Variants in IPP observed in about 807,000 individuals in gnomAD.
The protein encoded by IPP is actin-binding protein IPP.
IPP carries 41 observed loss-of-function variants against 64.1 expected under a neutral mutation model. The observed-to-expected ratio is 0.64, with a 90% confidence interval of 0.50 to 0.83. The LOEUF (loss-of-function observed/expected upper bound fraction) is 0.83, where lower values mean the gene tolerates loss of function less well. IPP is among the 40% of genes least tolerant of loss of function. The pLI is 0.00. For synonymous variants in IPP, 214 were observed against 235.2 expected, an observed-to-expected ratio of 0.91 and a Z score of 0.83; for missense variants, 649 against 703.0, an observed-to-expected ratio of 0.92 and a Z score of 0.87.
intron 3 of IPP, among the ~76,000 whole-genome samples, chr1:45,733,577 G>A (rs1053200429): frequency 1.7e-4 from 25 of 151,294 alleles, no homozygotes; most frequent in Admixed American, 4.0e-4. Flanking sequence ...GGTGGCTCAC[G>A]CCTGAGCACT....
chr1:45,699,598 C>T lies in IPP; in HGVS notation c.*368G>A, dbSNP rs1645420919. On this transcript the variant is annotated 3_prime_UTR_variant, in exon 9 of 9. Coordinates refer to ENST00000396478, the MANE Select transcript of IPP (RefSeq NM_005897.3). ...TAAACCTGGCAAATCTGTGTGAGCT[C>T]TTTATTAATTGGGATATATTCCATA... 2.0e-6 allele frequency: 2 copies of T among 995,358 alleles called. No individual in the cohort carries two copies. Among genetic ancestry groups the T allele is most frequent in the Non-Finnish European group, 1.2e-6 (1 of 834,684 alleles). 61.7% of individuals were successfully genotyped at this position (995,358 alleles called of 1,614,324 possible).
chr1:45,735,971 C>T (rs1179495300), intron 3 of IPP, among the ~76,000 whole-genome samples: 3 of 151,642 alleles, frequency 2.0e-5, no homozygotes, highest in Admixed American at 1.3e-4. Flanking sequence ...ATTATCCGGG[C>T]GTGGTGGCAC....
chr1:45,741,422 T>A (rs530901038), intron 2 of IPP, 90 bp from the exon 3 acceptor site: 1 of 884,092 alleles, frequency 1.1e-6, no homozygotes, highest in Non-Finnish European at 1.7e-6. Context: ...ATTTCACTGA[T>A]AGTTTGATGC....
intron 5 of IPP, among the ~76,000 whole-genome samples, chr1:45,727,347 G>A (rs945820071): frequency 6.6e-6 from 1 of 152,074 alleles, no homozygotes; most frequent in Non-Finnish European, 1.5e-5. Context: ...ACTGCACCCC[G>A]CCACAACTTC....
chr1:45,717,221 G>GAAAAAAAAAAAAAAAAA (rs56338317), intron 6 of IPP, among the ~76,000 whole-genome samples: 1 of 95,260 alleles, frequency 1.0e-5, no homozygotes, highest in Non-Finnish European at 2.0e-5. Flanking sequence ...GCTCTTTTGA[G>GAAAAAAAAAAAAAAAAA]AAAAAAAAAA....
chr1:45,700,102 C>A lies in IPP; in HGVS notation c.1619G>T (p.Gly540Val). ...AVNGLLYVSG[G>V]RSSSHDFLAP... ...CAAAAAATCATGGCTGGAAGATCGA[C>A]CTCCAGAAACATACAGAAGACCATT... Residue 540 changes from glycine to valine, a missense_variant, in exon 9 of 9, where the codon GGT (glycine) becomes GTT (valine). Coordinates refer to ENST00000396478, the MANE Select transcript of IPP (RefSeq NM_005897.3). 6.2e-7 allele frequency: 1 copy of A among 1,614,076 alleles called. No individual in the cohort carries two copies. The highest frequency in any genetic ancestry group is 1.3e-5 in the African/African-American group (1 of 75,026).
chr1:45,724,062 G>T (rs535274858), intron 5 of IPP, among the ~76,000 whole-genome samples: 1 of 148,444 alleles, frequency 6.7e-6, no homozygotes, highest in Non-Finnish European at 1.5e-5. Context: ...CTGCCATCTC[G>T]GCTCACTGCA....
chr1:45,695,857 C>T (rs1173723456), downstream of IPP, among the ~76,000 whole-genome samples: 1 of 152,102 alleles, frequency 6.6e-6, no homozygotes, highest in African/African-American at 2.4e-5. Context: ...TTAGTAGAGA[C>T]AGGGTTTCTC....
At chr1:45,724,135 C>T (rs1206362494) in intron 5 of IPP, among the ~76,000 whole-genome samples, 1 of 152,120 alleles carries the variant, frequency 6.6e-6, no homozygotes, top group Non-Finnish European at 1.5e-5. Context: ...GCGCGCGCCG[C>T]CACGCCTGAC....
chr1:45,741,753 C>T (rs1328898683), intron 2 of IPP, among the ~76,000 whole-genome samples: 2 of 124,082 alleles, frequency 1.6e-5, no homozygotes, highest in Non-Finnish European at 3.5e-5. Context: ...CTCAGCCTCC[C>T]GAGTAGCTGG....
At chr1:45,744,779 C>CA (rs1646112769) in intron 2 of IPP, among the ~76,000 whole-genome samples, 1 of 151,050 alleles carries the variant, frequency 6.6e-6, no homozygotes, top group African/African-American at 2.4e-5. Context: ...GCGGAGGTTG[C>CA]AGTGAGCCGA....
intron 3 of IPP, among the ~76,000 whole-genome samples, chr1:45,740,145 TCATAGATCAACAGGATCC>T (rs1234636555): frequency 6.6e-6 from 1 of 152,150 alleles, no homozygotes; most frequent in Non-Finnish European, 1.5e-5. Flanking sequence ...GGGGGTAAGG[TCATAGATCAACAGGATCC>T]CAAGGCAGAA....
Position 45,747,861 on chromosome 1 carries a change from A to AC in IPP, c.-50-1401_-50-1400insG, listed in dbSNP as rs1380258416. ...AAAAAAAAAAAAAAAAAAAAAAAAA[A>AC]AAAAAACCATGAGATCCTGTAATAT... On this transcript the variant is annotated intron_variant, in intron 1 of 8. Transcript: ENST00000396478. Among the ~76,000 whole-genome samples, 9 of 128,928 alleles carry AC rather than the reference A, an allele frequency of 7.0e-5. 1 individual carries two copies. In the South Asian group the frequency reaches 1.3e-3, roughly 19 times the overall value. 84.6% of individuals were successfully genotyped at this position (128,928 alleles called of 152,430 possible). A position where few individuals can be genotyped will look rare whatever the true frequency, so the allele number is the denominator to read the frequency against.
chr1:45,738,842 A>AAACAAAAAAAAC (rs1466069670), intron 3 of IPP, among the ~76,000 whole-genome samples: 6 of 86,596 alleles, frequency 6.9e-5, no homozygotes, highest in Non-Finnish European at 1.6e-4. Flanking sequence ...TCCATCTCAA[A>AAACAAAAAAAAC]AAAAAAAAAA....
At chr1:45,709,501 A>G (rs1218107899) in intron 8 of IPP, among the ~76,000 whole-genome samples, 1 of 149,854 alleles carries the variant, frequency 6.7e-6, no homozygotes, top group African/African-American at 2.5e-5. Context: ...ATGCAATTCT[A>G]CACAAAAGAG....
intron 5 of IPP, 59 bp from the exon 6 acceptor site, chr1:45,719,399 C>T (rs1004261431): frequency 8.8e-7 from 1 of 1,132,730 alleles, no homozygotes; most frequent in Non-Finnish European, 1.3e-6. Flanking sequence ...AGACTAGCAC[C>T]ATAACACAAT....
At chr1:45,734,555 G>A (rs1423712432) in intron 3 of IPP, among the ~76,000 whole-genome samples, 1 of 151,632 alleles carries the variant, frequency 6.6e-6, no homozygotes, top group East Asian at 1.9e-4. Flanking sequence ...CTCCCCCATC[G>A]GCCTCCCACC....
chr1:45,741,421 A>G (rs1646064251), intron 2 of IPP, 89 bp from the exon 3 acceptor site: 1 of 893,684 alleles, frequency 1.1e-6, no homozygotes, highest in African/African-American at 1.7e-5. Context: ...GATTTCACTG[A>G]TAGTTTGATG....
chr1:45,700,324 A>G (rs1645435715), intron 8 of IPP, 134 bp from the exon 9 acceptor site: 1 of 1,295,580 alleles, frequency 7.7e-7, no homozygotes, highest in Non-Finnish European at 1.0e-6. Flanking sequence ...AAGCATACAG[A>G]TTTTTTTTTC....
Sources: gnomAD v4.1 joint callset for allele counts (sites outside exome capture counted in the v4.1 genomes callset) on GRCh38, gnomAD v4.1.1 for gene constraint, MANE v1.5 for transcripts, NCBI Gene and HGNC (gene_info 2026-07-23, HGNC 2026-07-21) for gene names.